TMC1: variants seen among roughly 807,000 people sequenced by gnomAD.
The protein encoded by TMC1 is transmembrane channel-like protein 1.
In TMC1, 84 loss-of-function variants were observed where a neutral mutation model predicts 105.8. The observed-to-expected ratio is 0.79, with a 90% confidence interval of 0.67 to 0.95. The LOEUF (loss-of-function observed/expected upper bound fraction) is 0.95. TMC1 is among the 40% of genes least tolerant of loss of function. The probability of loss-of-function intolerance (pLI) is 0.00; values close to 1 mark genes in which losing one functional copy is unlikely to be tolerated. For missense variants in TMC1, 817 were observed against 914.1 expected, an observed-to-expected ratio of 0.89 and a Z score of 1.37; for synonymous variants, 315 against 311.5, an observed-to-expected ratio of 1.01 and a Z score of -0.12.
At chr9:72,533,263 T>C (rs979609671) in intron 1 of TMC1, among the ~76,000 whole-genome samples, 1 of 152,314 alleles carries the variant, frequency 6.6e-6, no homozygotes, top group Non-Finnish European at 1.5e-5. Flanking sequence ...TGATAAAGGC[T>C]TGGAGATCTG....
intron 10 of TMC1, among the ~76,000 whole-genome samples, chr9:72,745,052 T>G (rs1827467021): frequency 6.6e-6 from 1 of 152,178 alleles, no homozygotes; most frequent in African/African-American, 2.4e-5. Flanking sequence ...CCATATATAA[T>G]TTATGATTTG....
chr9:72,813,125 T>A (rs961280885), intron 18 of TMC1, among the ~76,000 whole-genome samples: 2 of 152,218 alleles, frequency 1.3e-5, no homozygotes, highest in Non-Finnish European at 2.9e-5. Flanking sequence ...AATAATTTTA[T>A]GATCTCAAAG....
rs574325397 is a variant in TMC1, at chr9:72,833,110, A to G, written c.2260+2428A>G. On this transcript the variant is annotated intron_variant, in intron 23 of 23. Transcript: ENST00000297784. ...TAGATAATATTTAAACGATTTTTATACTCTTGCCCCAGTCTTTCTATGCAT... is the reference window on the plus strand; with the variant it reads ...TAGATAATATTTAAACGATTTTTATGCTCTTGCCCCAGTCTTTCTATGCAT... Among the ~76,000 whole-genome samples, 103 of 151,940 alleles carry G rather than the reference A, an allele frequency of 6.8e-4. 1 individual carries two copies. The highest frequency in any genetic ancestry group is 2.4e-3 in the African/African-American group (99 of 41,432).
intron 17 of TMC1, among the ~76,000 whole-genome samples, chr9:72,795,061 C>G (rs541530564): frequency 2.6e-5 from 4 of 152,108 alleles, no homozygotes; most frequent in South Asian, 2.1e-4. Flanking sequence ...TGAAATAAGA[C>G]AGTCAGATAA....
intron 13 of TMC1, among the ~76,000 whole-genome samples, chr9:72,774,106 G>T (rs956729177): frequency 2.6e-5 from 4 of 152,166 alleles, no homozygotes; most frequent in African/African-American, 9.7e-5. Flanking sequence ...AAGCCAGCAT[G>T]GTAGGAGTTG....
At chr9:72,563,335 G>C (rs1824090876) in intron 1 of TMC1, among the ~76,000 whole-genome samples, 1 of 152,126 alleles carries the variant, frequency 6.6e-6, no homozygotes, top group Non-Finnish European at 1.5e-5. Context: ...TTTCACTATG[G>C]TAATTTGGCT....
intron 4 of TMC1, among the ~76,000 whole-genome samples, chr9:72,647,274 A>G (rs1198853447): frequency 1.3e-5 from 2 of 150,918 alleles, no homozygotes; most frequent in African/African-American, 2.4e-5. Flanking sequence ...AGTTTAATTC[A>G]TCTATTTTTC....
At chr9:72,619,692 A>G (rs1449102819) in intron 3 of TMC1, among the ~76,000 whole-genome samples, 1 of 151,864 alleles carries the variant, frequency 6.6e-6, no homozygotes, top group African/African-American at 2.4e-5. Context: ...TATATTTTAT[A>G]AAAACAAAAG....
chr9:72,775,495 A>G (rs758267913), intron 13 of TMC1, among the ~76,000 whole-genome samples: 1 of 152,198 alleles, frequency 6.6e-6, no homozygotes, highest in Non-Finnish European at 1.5e-5. Flanking sequence ...GTTAAAAACA[A>G]TTCTCTAAGC....
intron 19 of TMC1, among the ~76,000 whole-genome samples, chr9:72,820,258 A>T (rs1427048466): frequency 2.0e-5 from 3 of 152,260 alleles, no homozygotes; most frequent in Admixed American, 6.5e-5. Context: ...GATCAACATC[A>T]GAAAGAGAAA....
At chr9:72,650,197 A>G (rs923707307) in intron 5 of TMC1, among the ~76,000 whole-genome samples, 3 of 152,212 alleles carry the variant, frequency 2.0e-5, no homozygotes, top group African/African-American at 7.2e-5. Context: ...AACTTTTTAT[A>G]TGAGAGTTAT....
At chr9:72,714,248 C>T (rs576485224) in intron 8 of TMC1, among the ~76,000 whole-genome samples, 47 of 152,168 alleles carry the variant, frequency 3.1e-4, no homozygotes, top group African/African-American at 1.1e-3. Context: ...CTGTTTATTT[C>T]GGGTGGAGAG....
intron 2 of TMC1, among the ~76,000 whole-genome samples, chr9:72,600,806 T>C (rs935783614): frequency 1.3e-5 from 2 of 152,232 alleles, no homozygotes; most frequent in African/African-American, 4.8e-5. Context: ...CTTCGTTCAG[T>C]GCATACCAGA....
At chr9:72,796,435 G>A (rs1473795547) in intron 17 of TMC1, among the ~76,000 whole-genome samples, 1 of 152,098 alleles carries the variant, frequency 6.6e-6, no homozygotes, top group African/African-American at 2.4e-5. Context: ...GAAATCTTCA[G>A]GCCAATATCA....
At chr9:72,612,346 AT>A (rs551757687) in intron 2 of TMC1, among the ~76,000 whole-genome samples, 3 of 151,478 alleles carry the variant, frequency 2.0e-5, no homozygotes, top group African/African-American at 7.3e-5. Flanking sequence ...AATTTTTTGT[AT>A]TTTTTTTGTA....
At chr9:72,830,948 G>A (rs1372041230) in intron 23 of TMC1, among the ~76,000 whole-genome samples, 1 of 151,948 alleles carries the variant, frequency 6.6e-6, no homozygotes, top group Non-Finnish European at 1.5e-5. Context: ...AAGTGACCTT[G>A]AAAATGCGCA....
At chr9:72,592,221 C>G (rs557722737) in intron 2 of TMC1, among the ~76,000 whole-genome samples, 3 of 152,080 alleles carry the variant, frequency 2.0e-5, no homozygotes, top group Non-Finnish European at 4.4e-5. Flanking sequence ...CCCTACAGAC[C>G]TGAGAAGATG....
At chr9:72,699,906 G>A (rs1484795520) in intron 7 of TMC1, among the ~76,000 whole-genome samples, 2 of 138,336 alleles carry the variant, frequency 1.4e-5, no homozygotes, top group African/African-American at 2.8e-5. Context: ...GCAGTGAGCC[G>A]AGATTGTCCC....
At chr9:72,604,322 A>T (rs904716914) in intron 2 of TMC1, among the ~76,000 whole-genome samples, 1 of 152,222 alleles carries the variant, frequency 6.6e-6, no homozygotes, top group Non-Finnish European at 1.5e-5. Flanking sequence ...TGTTAAAAGA[A>T]ATCACAAAAT....
Sources: allele counts gnomAD v4.1 joint callset (sites outside exome capture counted in the v4.1 genomes callset), GRCh38; gene constraint gnomAD v4.1.1; transcripts MANE v1.5; gene names NCBI Gene and HGNC (gene_info 2026-07-23, HGNC 2026-07-21).